RAB3GAP2: variants seen among roughly 807,000 people sequenced by gnomAD.
RAB3GAP2 encodes rab3 GTPase-activating protein non-catalytic subunit.
RAB3GAP2 carries 87 observed loss-of-function variants against 185.3 expected under a neutral mutation model. That is an observed-to-expected ratio of 0.47 (90% confidence interval 0.39 to 0.56). RAB3GAP2 has a LOEUF of 0.56. Ranked by LOEUF, RAB3GAP2 falls within the 20% of genes least tolerant of loss-of-function variation. RAB3GAP2 has a pLI of 0.00. For synonymous variants in RAB3GAP2, 554 were observed against 576.1 expected (o/e 0.96, Z 0.55); for missense variants, 1,492 against 1,638.2 (o/e 0.91, Z 1.54).
chr1:220,189,136 G>A (rs1421951746), intron 17 of RAB3GAP2, among the ~76,000 whole-genome samples: 2 of 151,886 alleles, frequency 1.3e-5, no homozygotes, highest in Non-Finnish European at 2.9e-5. Context: ...AGAGTTCCTG[G>A]TAAGATTTTA....
At chr1:220,153,929 T>TC (rs997371913) in intron 32 of RAB3GAP2, 39 bp downstream of exon 32, 1 of 1,608,468 alleles carries the variant, frequency 6.2e-7, no homozygotes, top group African/African-American at 1.3e-5. Context: ...TGTTTTTTTT[T>TC]CCAAGAAACA....
rs1482643877 is a variant in RAB3GAP2 at position 220,202,341 on chromosome 1, G to T, written c.746C>A (p.Pro249Gln). ...AASGNENIQP[P>Q]PLAYKKWGLQ... ...ACCCCATTTCTTATAAGCTAATGGT[G>T]GTGGTTGTATGTTCTCATTGCCTGA... Residue 249 changes from proline (P) to glutamine (Q), a missense_variant, in exon 9 of 35, where the codon CCA becomes CAA. By Grantham distance (76) the Pro-to-Gln change is moderately conservative. This residue lies in a region of RAB3GAP2 where 243 missense variants were observed against 314.8 expected (regional missense o/e 0.77). Transcript: ENST00000358951. 6.2e-7 allele frequency: 1 copy of T among 1,613,778 alleles called. No individual in the cohort carries two copies. The highest frequency in any genetic ancestry group is 1.1e-5 in the South Asian group (1 of 91,074).
At position 220,153,226 on chromosome 1, in the gene RAB3GAP2, C is replaced by A; in HGVS notation, c.3826G>T (p.Gly1276Trp). The change falls in exon 33 of 35, where the codon GGG becomes TGG. Residue 1276 changes from glycine (G) to tryptophan (W), a missense_variant. By Grantham distance (184) the Gly-to-Trp change is radical. Around this residue, in one of 5 missense-constraint regions of RAB3GAP2, gnomAD observed 387 missense variants for 455.3 expected, o/e 0.85. Transcript: ENST00000358951. ...TCAACTCCATAGTTGTATAGTTCCC[C>A]CACATAATGCCTTCTAACAACATCT... ...SEDVVRRHYV[G>W]ELYNYGVDHL... 1 of 1,614,054 alleles carries A rather than the reference C, an allele frequency of 6.2e-7. No individual in the cohort carries two copies. The highest frequency in any genetic ancestry group is 1.1e-5 in the South Asian group (1 of 91,084).
chr1:220,158,493 T>C lies in RAB3GAP2; in HGVS notation c.3262-617A>G, dbSNP rs919782516. Among the ~76,000 whole-genome samples the C allele has an allele frequency of 9.2e-5, 14 of 151,688 alleles. No individual in the cohort carries two copies. Among genetic ancestry groups the C allele is most frequent in the Non-Finnish European group, 1.8e-4 (12 of 67,938 alleles). On this transcript the variant is annotated intron_variant, in intron 29 of 34. Transcript: ENST00000358951. The surrounding 1 kb of genome is among the most constrained non-coding windows in gnomAD (Gnocchi z 4.3). ...TTCATTCTTGTTGCCCAGGCTGGAG[T>C]ACAGTGGCACGATCTCGGCTCACTG...
At chr1:220,211,922 A>G (rs1415456229) in intron 4 of RAB3GAP2, among the ~76,000 whole-genome samples, 2 of 152,230 alleles carry the variant, frequency 1.3e-5, no homozygotes, top group Non-Finnish European at 2.9e-5. Flanking sequence ...GAATATTTCA[A>G]ATATCTACAA....
chr1:220,151,482 A>T (rs982462553), intron 34 of RAB3GAP2, 76 bp from the exon 35 acceptor site: 4 of 1,604,950 alleles, frequency 2.5e-6, no homozygotes, highest in Admixed American at 3.3e-5. Context: ...GTTATTACAT[A>T]AAAATGCTTT....
At chr1:220,169,152 C>T (rs1658127591) in intron 24 of RAB3GAP2, among the ~76,000 whole-genome samples, 1 of 151,894 alleles carries the variant, frequency 6.6e-6, no homozygotes, top group Admixed American at 6.6e-5. Flanking sequence ...GGTGAGTTTA[C>T]AATAAGAAAA....
At chr1:220,163,954 CA>C (rs1454191322) in intron 27 of RAB3GAP2, among the ~76,000 whole-genome samples, 1 of 151,822 alleles carries the variant, frequency 6.6e-6, no homozygotes, top group African/African-American at 2.4e-5. Flanking sequence ...TCCTCTTACC[CA>C]GCCTAACACC....
intron 7 of RAB3GAP2, among the ~76,000 whole-genome samples, chr1:220,209,393 C>T (rs1659036216): frequency 6.6e-6 from 1 of 152,104 alleles, no homozygotes; most frequent in African/African-American, 2.4e-5. Context: ...ACCTGAAACA[C>T]TTTCCCCTCT....
chr1:220,187,491 C>T (rs1204568393), intron 17 of RAB3GAP2, among the ~76,000 whole-genome samples: 1 of 152,116 alleles, frequency 6.6e-6, no homozygotes, highest in Non-Finnish European at 1.5e-5. Context: ...GTGGAACCAA[C>T]CATGTATTTG....
At chr1:220,156,886 T>C (rs890727319) in intron 31 of RAB3GAP2, among the ~76,000 whole-genome samples, 1 of 152,024 alleles carries the variant, frequency 6.6e-6, no homozygotes, top group African/African-American at 2.4e-5. Flanking sequence ...GGGCAGGATG[T>C]GGGTATTGGT....
intron 1 of RAB3GAP2, among the ~76,000 whole-genome samples, chr1:220,268,346 A>G (rs1346834271): frequency 6.6e-6 from 1 of 152,210 alleles, no homozygotes. Context: ...AAATCTTCTA[A>G]CACAAAGTCT....
rs562722905 is a variant in RAB3GAP2, at chr1:220,164,771, T to C, written c.3116A>G (p.Glu1039Gly). The C allele has an allele frequency of 6.8e-6, 11 of 1,609,176 alleles. No homozygotes were observed. In the East Asian group the frequency reaches 2.0e-4, roughly 29 times the overall value. The change falls in exon 27 of 35, where the codon GAA becomes GGA. Residue 1039 changes from glutamate to glycine, a missense_variant. Glu to Gly is a moderately conservative substitution (Grantham distance 98). Transcript: ENST00000358951. ...EEARFFVRSI[E>G]HLKQIFNAHV... ...TGCATTAAATATTTGCTTCAAGTGT[T>C]CTATTGACCTAACAAAAAAACGTGC...
At chr1:220,206,406 T>C (rs775484833) in intron 7 of RAB3GAP2, among the ~76,000 whole-genome samples, 40 of 152,230 alleles carry the variant, frequency 2.6e-4, no homozygotes, top group Non-Finnish European at 4.4e-4. Context: ...ATAGCACATA[T>C]AGTATCCTAA....
intron 15 of RAB3GAP2, 110 bp downstream of exon 15, chr1:220,190,267 A>G: frequency 6.5e-7 from 1 of 1,545,666 alleles, no homozygotes; most frequent in South Asian, 1.1e-5. Flanking sequence ...ATATCAGTCT[A>G]AAGACAAAGG....
At chr1:220,201,595 G>A (rs1327195393) in intron 9 of RAB3GAP2, among the ~76,000 whole-genome samples, 1 of 152,092 alleles carries the variant, frequency 6.6e-6, no homozygotes, top group Non-Finnish European at 1.5e-5. Context: ...CACCTCCCGG[G>A]TTCAGGCAAT....
chr1:220,272,417 G>T lies in RAB3GAP2; in HGVS notation c.-80C>A. 1.1e-6 allele frequency: 1 copy of T among 919,286 alleles called. No homozygotes were observed. Among genetic ancestry groups the T allele is most frequent in the Non-Finnish European group, 1.7e-6 (1 of 571,722 alleles). The allele number at this position is 919,286 out of a possible 1,614,324, so 56.9% of individuals were successfully genotyped here. On this transcript the variant is annotated 5_prime_UTR_variant, in exon 1 of 35. Coordinates refer to ENST00000358951, the MANE Select transcript of RAB3GAP2 (RefSeq NM_012414.4). ...TCCACCCCACTGCGGCCGCCACCGA[G>T]CCCCAATAGCTCTAGCCAAGCAGAA...
At chr1:220,216,873 T>C (rs1659210423) in intron 2 of RAB3GAP2, among the ~76,000 whole-genome samples, 2 of 152,124 alleles carry the variant, frequency 1.3e-5, no homozygotes, top group Non-Finnish European at 1.5e-5. Context: ...AAAAATATTA[T>C]AAAAGTTGCT....
intron 1 of RAB3GAP2, among the ~76,000 whole-genome samples, chr1:220,262,073 A>G: frequency 6.6e-6 from 1 of 151,162 alleles, no homozygotes; most frequent in East Asian, 1.9e-4. Context: ...GCAGATCACG[A>G]GGTCAGGAGA....
Sources: allele counts gnomAD v4.1 joint callset (sites outside exome capture counted in the v4.1 genomes callset), GRCh38; gene constraint gnomAD v4.1.1; regional missense constraint gnomAD v4.1.1; non-coding constraint Gnocchi (gnomAD v3.1); transcripts MANE v1.5; gene names NCBI Gene and HGNC (gene_info 2026-07-23, HGNC 2026-07-21).